VTI1A: variants seen among roughly 807,000 people sequenced by gnomAD.
VTI1A encodes the protein vesicle transport through interaction with t-SNAREs 1A, also known as vesicle transport through interaction with t-SNAREs homolog 1A.
In VTI1A, 22 loss-of-function variants were observed where a neutral mutation model predicts 34.9. The ratio of observed to expected loss-of-function variants is 0.63; its 90% CI spans 0.45 to 0.90. VTI1A has a LOEUF of 0.90. Among genes scored for constraint, VTI1A ranks in the 40% least tolerant of loss-of-function variants. The pLI, the probability that VTI1A is intolerant of heterozygous loss-of-function variation, is 0.00. For missense variants in VTI1A, 268 were observed against 275.6 expected (o/e 0.97, Z 0.20); for synonymous variants, 87 against 97.3 (o/e 0.89, Z 0.62).
intron 3 of VTI1A, among the ~76,000 whole-genome samples, chr10:112,521,911 G>A (rs1397717207): frequency 6.6e-6 from 1 of 151,902 alleles, no homozygotes; most frequent in Non-Finnish European, 1.5e-5. Context: ...CTGGTGCAGG[G>A]GTGGTGTGTG....
chr10:112,449,676 C>T (rs1220722282), intron 1 of VTI1A: 1 of 152,406 alleles, frequency 6.6e-6, no homozygotes, highest in Non-Finnish European at 1.5e-5. Context: ...TCGCTTGAAC[C>T]TGGGAGGTGG....
chr10:112,851,237 C>T, the VTI1A span, among the ~76,000 whole-genome samples: 6 of 152,270 alleles, frequency 3.9e-5, no homozygotes, highest in East Asian at 1.2e-3. Flanking sequence ...CCTTCAGAGC[C>T]TGGGCCACAT....
At chr10:112,828,638 C>T in the VTI1A span, among the ~76,000 whole-genome samples, 6 of 151,942 alleles carry the variant, frequency 3.9e-5, no homozygotes, top group Admixed American at 3.9e-4. Context: ...ATCTCCTGAC[C>T]TCATGATCAA....
chr10:112,631,030 G>A (rs1846109914), intron 5 of VTI1A, among the ~76,000 whole-genome samples: 2 of 152,084 alleles, frequency 1.3e-5, no homozygotes, highest in Admixed American at 1.3e-4. Context: ...GCTGAGACAG[G>A]AGAATCGCTT....
intron 1 of VTI1A, among the ~76,000 whole-genome samples, chr10:112,458,467 G>A (rs991272573): frequency 4.6e-5 from 7 of 152,082 alleles, no homozygotes; most frequent in Non-Finnish European, 8.8e-5. Context: ...GGAAAATCAA[G>A]TTGAATTGTA....
rs191716302 is a variant in VTI1A at position 112,646,822 on chromosome 10, T to C, written c.428-21396T>C. On this transcript the variant is annotated intron_variant, in intron 5 of 7. Coordinates refer to ENST00000393077, the MANE Select transcript of VTI1A (RefSeq NM_145206.4). ...CACCGCGCCCGGCTACCATGTTCTT[T>C]TGTTAGTTGATACAACACCTTTGGC... 5.3e-5 allele frequency among the ~76,000 whole-genome samples: 8 copies of C among 152,282 alleles called. No homozygotes were observed. The East Asian group carries it at 1.4e-3, about 26-fold the overall frequency.
chr10:112,690,671 C>T (rs563102663), intron 7 of VTI1A, among the ~76,000 whole-genome samples: 3 of 152,248 alleles, frequency 2.0e-5, no homozygotes, highest in African/African-American at 4.8e-5. Flanking sequence ...TCTCTGAATT[C>T]GCTTCTTCAT....
intron 7 of VTI1A, among the ~76,000 whole-genome samples, chr10:112,780,186 G>GT (rs1852077674): frequency 2.0e-5 from 3 of 150,372 alleles, no homozygotes; most frequent in African/African-American, 7.4e-5. Context: ...TAGGAGGATC[G>GT]TTTGAGCCCA....
chr10:112,830,512 C>A, the VTI1A span, among the ~76,000 whole-genome samples: 3 of 151,354 alleles, frequency 2.0e-5, no homozygotes, highest in African/African-American at 7.3e-5. Context: ...TCAAGAAGGT[C>A]CACCTGATTC....
At chr10:112,740,144 C>T (rs1267652393) in intron 7 of VTI1A, among the ~76,000 whole-genome samples, 1 of 152,196 alleles carries the variant, frequency 6.6e-6, no homozygotes, top group Non-Finnish European at 1.5e-5. Flanking sequence ...GCCTCCGAGC[C>T]ATCATCTTGT....
chr10:112,526,989 C>A, intron 3 of VTI1A, 98 bp from the exon 4 acceptor site: 2 of 1,119,640 alleles, frequency 1.8e-6, no homozygotes, highest in Non-Finnish European at 2.6e-6. Flanking sequence ...CATTAGGGGG[C>A]TCTCGAGGTT....
chr10:112,740,020 AAC>A (rs1850637969), intron 7 of VTI1A, among the ~76,000 whole-genome samples: 5 of 152,248 alleles, frequency 3.3e-5, no homozygotes, highest in Admixed American at 3.3e-4. Context: ...GCCAAACAAT[AAC>A]ACAAAAATTT....
chr10:112,669,074 G>A (rs2133836628), intron 7 of VTI1A, 76 bp downstream of exon 7: 1 of 1,537,910 alleles, frequency 6.5e-7, no homozygotes, highest in Non-Finnish European at 8.9e-7. Context: ...AATTGCAATG[G>A]GGCATATTAC....
intron 7 of VTI1A, 23 bp downstream of exon 7, chr10:112,669,021 T>C (rs755758500): frequency 1.9e-6 from 3 of 1,609,328 alleles, no homozygotes; most frequent in Non-Finnish European, 1.7e-6. Context: ...TAGGGACATA[T>C]CTTTCTCTCT....
intron 7 of VTI1A, among the ~76,000 whole-genome samples, chr10:112,676,830 C>T (rs1322172917): frequency 6.6e-6 from 1 of 152,180 alleles, no homozygotes; most frequent in Non-Finnish European, 1.5e-5. Flanking sequence ...GTAGAAGCGA[C>T]TTGAAACACA....
chr10:112,553,568 T>C (rs1851441270), intron 5 of VTI1A, among the ~76,000 whole-genome samples: 1 of 152,250 alleles, frequency 6.6e-6, no homozygotes, highest in African/African-American at 2.4e-5. Context: ...GTAATGCAAG[T>C]GTCCAAGTGG....
intron 7 of VTI1A, among the ~76,000 whole-genome samples, chr10:112,673,708 C>T (rs890511490): frequency 1.3e-5 from 2 of 152,208 alleles, no homozygotes; most frequent in Non-Finnish European, 2.9e-5. Flanking sequence ...CCTGGGGAAT[C>T]ATTGCCACCT....
Position 112,736,055 on chromosome 10 carries a change from GTATAA to G in VTI1A, c.560+67062_560+67066del, listed in dbSNP as rs981887929. Among the ~76,000 whole-genome samples, 16 of 140,688 alleles carry G rather than the reference GTATAA, an allele frequency of 1.1e-4. 1 individual carries two copies. The highest frequency in any genetic ancestry group is 2.7e-4 in the African/African-American group (10 of 37,414). The allele number at this position is 140,688 out of a possible 152,430, so 92.3% of individuals were successfully genotyped here. Reference sequence around the variant, plus strand: ...TATATATAGTATATGTTTATATACTGTATAATATATTTTATATTTTTATATATAGT... The same window carrying G: ...TATATATAGTATATGTTTATATACTGTATATTTTATATTTTTATATATAGT... On this transcript the variant is annotated intron_variant, in intron 7 of 7. Coordinates refer to ENST00000393077, the MANE Select transcript of VTI1A (RefSeq NM_145206.4).
chr10:112,507,819 C>T (rs973431259), intron 3 of VTI1A, among the ~76,000 whole-genome samples: 4 of 152,172 alleles, frequency 2.6e-5, no homozygotes, highest in Admixed American at 2.0e-4. Context: ...TGTGCCAGGT[C>T]TAATGCAGCC....
Sources: gnomAD v4.1 joint callset for allele counts (sites outside exome capture counted in the v4.1 genomes callset) on GRCh38, gnomAD v4.1.1 for gene constraint, MANE v1.5 for transcripts, NCBI Gene and HGNC (gene_info 2026-07-23, HGNC 2026-07-21) for gene names.